Variants in KREMEN1 observed in about 807,000 individuals in gnomAD.
The protein encoded by KREMEN1 is kringle containing transmembrane protein 1.
A neutral mutation model predicts 46.5 loss-of-function variants in KREMEN1; 30 were observed. That is an observed-to-expected ratio of 0.65 (90% CI 0.48 to 0.88). The LOEUF (loss-of-function observed/expected upper bound fraction) is 0.88. KREMEN1 is among the 40% of genes least tolerant of loss of function. The pLI, the probability that KREMEN1 is intolerant of heterozygous loss-of-function variation, is 0.00. For missense variants in KREMEN1, 533 were observed against 596.9 expected (o/e 0.89, Z 1.11); for synonymous variants, 214 against 230.6 (o/e 0.93, Z 0.65).
rs1394626766 is a variant in KREMEN1 at position 29,166,377 on chromosome 22, C to T, written c.1417-667C>T. ...TGCACCTGCTGGACAGCTGCCTTTCCGGGGGTCACTTCTGCTCCTCACATC... is the reference window on the plus strand; with the variant it reads ...TGCACCTGCTGGACAGCTGCCTTTCTGGGGGTCACTTCTGCTCCTCACATC... On this transcript the variant is annotated intron_variant, in intron 9 of 9. Transcript: ENST00000327813. 1.9e-4 allele frequency among the ~76,000 whole-genome samples: 29 copies of T among 152,102 alleles called. 1 individual carries two copies. Among genetic ancestry groups the T allele is most frequent in the Admixed American group, 6.6e-5 (1 of 15,264 alleles).
At chr22:29,093,513 A>G (rs373634268) in intron 1 of KREMEN1, among the ~76,000 whole-genome samples, 4 of 152,258 alleles carry the variant, frequency 2.6e-5, no homozygotes, top group African/African-American at 7.2e-5. Flanking sequence ...AGCAGATTTT[A>G]GAAACACATT....
At chr22:29,105,950 G>A (rs1214585579) in intron 3 of KREMEN1, among the ~76,000 whole-genome samples, 1 of 152,190 alleles carries the variant, frequency 6.6e-6, no homozygotes, top group Non-Finnish European at 1.5e-5. Flanking sequence ...GATTTCAGAT[G>A]TTAGTATTTG....
At chr22:29,129,226 C>T (rs2038494632) in intron 5 of KREMEN1, among the ~76,000 whole-genome samples, 1 of 152,032 alleles carries the variant, frequency 6.6e-6, no homozygotes, top group Non-Finnish European at 1.5e-5. Context: ...GGGTGCACAC[C>T]TGTAATTCTA....
chr22:29,091,500 G>T (rs1463594130), intron 1 of KREMEN1, among the ~76,000 whole-genome samples: 1 of 152,184 alleles, frequency 6.6e-6, no homozygotes, highest in East Asian at 1.9e-4. Flanking sequence ...ATGTTTTGAT[G>T]TACAAATTCT....
At chr22:29,130,088 C>T (rs1417253980) in intron 5 of KREMEN1, among the ~76,000 whole-genome samples, 4 of 152,222 alleles carry the variant, frequency 2.6e-5, no homozygotes, top group Non-Finnish European at 4.4e-5. Context: ...GAACATTTAT[C>T]ATTGACAGGA....
At chr22:29,128,101 C>A (rs1473842007) in intron 5 of KREMEN1, among the ~76,000 whole-genome samples, 1 of 152,062 alleles carries the variant, frequency 6.6e-6, no homozygotes, top group Non-Finnish European at 1.5e-5. Flanking sequence ...TATGGAGTGA[C>A]TGCTTAATAG....
chr22:29,145,087 G>A lies in KREMEN1; in HGVS notation c.*2975G>A. The A allele has an allele frequency of 1.0e-6, 1 of 985,662 alleles. No individual in the cohort carries two copies. Among genetic ancestry groups the A allele is most frequent in the Non-Finnish European group, 1.2e-6 (1 of 830,044 alleles). 61.1% of individuals were successfully genotyped at this position (985,662 alleles called of 1,614,324 possible). On this transcript the variant is annotated 3_prime_UTR_variant, in exon 9 of 9. Transcript: ENST00000400335. ...CTGGCTCCTGCCGCAGCCTGGCTAT[G>A]GACTCAGTTAGAACCAGGTAGAAAG...
At chr22:29,108,920 G>A (rs577030756) in intron 3 of KREMEN1, among the ~76,000 whole-genome samples, 1 of 152,262 alleles carries the variant, frequency 6.6e-6, no homozygotes, top group East Asian at 1.9e-4. Context: ...GTCCCAAGTA[G>A]CTGGGACAAC....
intron 1 of KREMEN1, among the ~76,000 whole-genome samples, chr22:29,091,443 T>A (rs909686383): frequency 6.6e-6 from 1 of 152,096 alleles, no homozygotes; most frequent in Non-Finnish European, 1.5e-5. Flanking sequence ...CTTCACACTT[T>A]AAAAAAAATT....
intron 4 of KREMEN1, among the ~76,000 whole-genome samples, chr22:29,124,223 TAAG>T (rs1174706402): frequency 1.3e-5 from 2 of 152,092 alleles, no homozygotes; most frequent in Non-Finnish European, 2.9e-5. Flanking sequence ...TGCTCAGCAA[TAAG>T]AAGGAGTAAA....
chr22:29,116,583 G>A (rs1170570155), intron 3 of KREMEN1, among the ~76,000 whole-genome samples: 1 of 152,114 alleles, frequency 6.6e-6, no homozygotes, highest in Non-Finnish European at 1.5e-5. Context: ...TGCAAGCCAT[G>A]GCCATGTTTA....
At chr22:29,148,179 T>C (rs2038886617), downstream of KREMEN1, among the ~76,000 whole-genome samples, 1 of 152,162 alleles carries the variant, frequency 6.6e-6, no homozygotes, top group Non-Finnish European at 1.5e-5. Context: ...CTGCAGTCGC[T>C]GTGGGACACT....
At position 29,143,615 on chromosome 22, in the gene KREMEN1, G is replaced by A. The variant is rs927374257; in HGVS notation, c.*1503G>A. On this transcript the variant is annotated 3_prime_UTR_variant, in exon 9 of 9. Coordinates refer to ENST00000400335, the MANE Select transcript of KREMEN1 (RefSeq NM_001039570.3). ...AAATTAGCTGGGTGTGGTGGTGGGC[G>A]CCTGTAGTCCCAGCTGCTCGGGAGG... is the stretch of plus-strand genomic sequence containing the variant. 130 of 623,540 alleles carry A rather than the reference G, an allele frequency of 2.1e-4. No individual in the cohort carries two copies. Among genetic ancestry groups the A allele is most frequent in the East Asian group, 4.2e-4 (3 of 7,156 alleles). The allele number at this position is 623,540 out of a possible 1,614,324, so 38.6% of individuals were successfully genotyped here.
chr22:29,143,610 T>C lies in KREMEN1; in HGVS notation c.*1498T>C, dbSNP rs547427805. 2.4e-4 allele frequency: 154 copies of C among 628,938 alleles called. No individual in the cohort carries two copies. The highest frequency in any genetic ancestry group is 2.0e-3 in the South Asian group (28 of 14,244). The allele number at this position is 628,938 out of a possible 1,614,324, so 39.0% of individuals were successfully genotyped here. ...ACAAAAAATTAGCTGGGTGTGGTGG[T>C]GGGCGCCTGTAGTCCCAGCTGCTCG... On this transcript the variant is annotated 3_prime_UTR_variant, in exon 9 of 9. Transcript: ENST00000400335.
At chr22:29,125,570 A>G (rs1198081484) in intron 5 of KREMEN1, among the ~76,000 whole-genome samples, 154 bp downstream of exon 5, 1 of 149,898 alleles carries the variant, frequency 6.7e-6, no homozygotes, top group Admixed American at 6.7e-5. Flanking sequence ...AGCACAGTGC[A>G]TGAAGACTCA....
At chr22:29,095,049 A>G (rs2037864141) in intron 2 of KREMEN1, among the ~76,000 whole-genome samples, 1 of 152,090 alleles carries the variant, frequency 6.6e-6, no homozygotes, top group South Asian at 2.1e-4. Flanking sequence ...AGTGGACAAT[A>G]CACAGTTAGC....
intron 2 of KREMEN1, among the ~76,000 whole-genome samples, chr22:29,095,811 C>A (rs1212105569): frequency 2.0e-5 from 3 of 152,020 alleles, no homozygotes; most frequent in African/African-American, 7.3e-5. Flanking sequence ...TATCAACTGA[C>A]CATTCCCTCC....
At chr22:29,151,694 T>C (rs1448555365), downstream of KREMEN1, among the ~76,000 whole-genome samples, 2 of 152,092 alleles carry the variant, frequency 1.3e-5, no homozygotes, top group African/African-American at 4.8e-5. Flanking sequence ...ATTCTTTTGA[T>C]TTTTTCCCCC....
intron 9 of KREMEN1, among the ~76,000 whole-genome samples, chr22:29,161,269 G>GA (rs1416487350): frequency 1.3e-5 from 2 of 151,596 alleles, no homozygotes; most frequent in Non-Finnish European, 2.9e-5. Flanking sequence ...GCACTTTGGG[G>GA]GGCCAAGGTG....
Sources: gnomAD v4.1 joint callset for allele counts (sites outside exome capture counted in the v4.1 genomes callset) on GRCh38, gnomAD v4.1.1 for gene constraint, MANE v1.5 for transcripts, NCBI Gene and HGNC (gene_info 2026-07-23, HGNC 2026-07-21) for gene names.